Variants in ZSCAN20 observed in about 807,000 individuals in gnomAD.
ZSCAN20 encodes zinc finger and SCAN domain containing 20, also known as zinc finger and SCAN domain-containing protein 20.
Under a neutral mutation model 97.1 loss-of-function variants are expected in ZSCAN20, and 39 were observed. That is an observed-to-expected ratio of 0.40 (90% confidence interval 0.31 to 0.52). The LOEUF (loss-of-function observed/expected upper bound fraction) is 0.52, where lower values mean the gene tolerates loss of function less well. Among genes scored for constraint, ZSCAN20 ranks in the 20% least tolerant of loss-of-function variants. The pLI is 0.49. For synonymous variants in ZSCAN20, 456 were observed against 467.3 expected, an observed-to-expected ratio of 0.98 and a Z score of 0.31; for missense variants, 1,115 against 1,290.4, an observed-to-expected ratio of 0.86 and a Z score of 2.08.
At chr1:33,488,786 T>TAA in intron 3 of ZSCAN20, 135 bp downstream of exon 3, 1 of 945,044 alleles carries the variant, frequency 1.1e-6, no homozygotes, top group Non-Finnish European at 1.6e-6. Flanking sequence ...TGGGCACACT[T>TAA]ACTGAGAAGT....
intron 1 of ZSCAN20, among the ~76,000 whole-genome samples, chr1:33,478,859 G>A (rs1272230829): frequency 6.6e-6 from 1 of 152,116 alleles, no homozygotes; most frequent in African/African-American, 2.4e-5. Flanking sequence ...ATGACCTAGA[G>A]GATTGAATAC....
chr1:33,478,585 T>C (rs899158843), intron 1 of ZSCAN20, among the ~76,000 whole-genome samples: 13 of 152,066 alleles, frequency 8.5e-5, no homozygotes, highest in Admixed American at 2.0e-4. Context: ...GCTGGAGTTT[T>C]AGGAGTCATG....
Position 33,493,260 on chromosome 1 carries a change from G to T in ZSCAN20, c.1518G>T (p.Lys506Asn). ...TCAGTGAGTCCCCATTCTCGGAAAA[G>T]CTTCGTACCTGTCACCAGAACAGCC... ...AILSESPFSEKLRTCHQNSQV... is the reference protein window; with the variant it reads ...AILSESPFSENLRTCHQNSQV... The change falls in exon 7 of 8, where the codon AAG (lysine) becomes AAT (asparagine). Residue 506 changes from lysine to asparagine, a missense_variant. Around this residue, in one of 3 missense-constraint regions of ZSCAN20, gnomAD observed 53 missense variants for 94.3 expected, o/e 0.56. Transcript: ENST00000684572. This position sits in a 1 kb window ranked among gnomAD's most constrained non-coding sequence, Gnocchi z 4.3. The T allele has an allele frequency of 6.2e-7, 1 of 1,614,204 alleles. No individual in the cohort carries two copies. Among genetic ancestry groups the T allele is most frequent in the Non-Finnish European group, 8.5e-7 (1 of 1,180,036 alleles).
chr1:33,487,112 G>A (rs539151953), intron 2 of ZSCAN20, among the ~76,000 whole-genome samples: 1 of 152,312 alleles, frequency 6.6e-6, no homozygotes, highest in East Asian at 1.9e-4. Context: ...TATGTAGAAA[G>A]AAACTCTAAA....
In ZSCAN20 at chr1:33,499,835, G is replaced by A. The variant is rs998879710; in HGVS notation, c.*4359G>A. Among the ~76,000 whole-genome samples the A allele has an allele frequency of 3.3e-5, 5 of 151,958 alleles. No individual in the cohort carries two copies. Among genetic ancestry groups the A allele is most frequent in the South Asian group, 4.2e-4 (2 of 4,804 alleles). Reference sequence around the variant, plus strand: ...TGGTCTTGAACTCCTGGCCTCAAGCGATCCTCCCACCTCAGCCTCCCAAAG... The same window carrying A: ...TGGTCTTGAACTCCTGGCCTCAAGCAATCCTCCCACCTCAGCCTCCCAAAG... On this transcript the variant is annotated 3_prime_UTR_variant, in exon 8 of 8. Transcript: ENST00000684572.
In ZSCAN20 at chr1:33,493,175, C is replaced by T; in HGVS notation, c.1445-12C>T. ...TTAAGTCTCACAGTTCTCAACTCTT[C>T]ACTCCTGACAGCAGGTGTGCACTGG... On this transcript the variant is annotated splice_polypyrimidine_tract_variant and intron_variant, in intron 6 of 7. Coordinates refer to ENST00000684572, the MANE Select transcript of ZSCAN20 (RefSeq NM_001377376.1). The surrounding 1 kb of genome is among the most constrained non-coding windows in gnomAD (Gnocchi z 4.3). 5 of 1,610,640 alleles carry T rather than the reference C, an allele frequency of 3.1e-6. No individual in the cohort carries two copies. Among genetic ancestry groups the T allele is most frequent in the Non-Finnish European group, 4.2e-6 (5 of 1,177,232 alleles).
intron 2 of ZSCAN20, among the ~76,000 whole-genome samples, chr1:33,487,589 A>C (rs967342331): frequency 3.3e-5 from 5 of 151,430 alleles, no homozygotes; most frequent in African/African-American, 9.7e-5. Flanking sequence ...TGTCTTTTGC[A>C]TGTCCTTCTA....
chr1:33,497,405 G>A lies in ZSCAN20; in HGVS notation c.*1929G>A, dbSNP rs934591020. Among the ~76,000 whole-genome samples the A allele has an allele frequency of 6.6e-6, 1 of 152,198 alleles. No individual in the cohort carries two copies. Among genetic ancestry groups the A allele is most frequent in the African/African-American group, 2.4e-5 (1 of 41,448 alleles). On this transcript the variant is annotated 3_prime_UTR_variant, in exon 8 of 8. Transcript: ENST00000684572. Reference sequence around the variant, plus strand: ...GTGAGCTGAGAGGAAGGATCCTGAGGTGAGGGAGAGGGAGGGAATTCCAGG... The same window carrying A: ...GTGAGCTGAGAGGAAGGATCCTGAGATGAGGGAGAGGGAGGGAATTCCAGG...
rs1388586240 is a variant in ZSCAN20, at chr1:33,497,421, GA to G, written c.*1947del. Among the ~76,000 whole-genome samples the G allele has an allele frequency of 5.3e-5, 8 of 152,160 alleles. No individual in the cohort carries two copies. Among genetic ancestry groups the G allele is most frequent in the African/African-American group, 1.7e-4 (7 of 41,426 alleles). ...GATCCTGAGGTGAGGGAGAGGGAGG[GA>G]ATTCCAGGGAAAGGCACTGTTGTGT... is the stretch of plus-strand genomic sequence containing the variant. On this transcript the variant is annotated 3_prime_UTR_variant, in exon 8 of 8. Coordinates refer to ENST00000684572, the MANE Select transcript of ZSCAN20 (RefSeq NM_001377376.1).
rs561613631 is a variant in ZSCAN20 at position 33,478,892 on chromosome 1, T to C, written c.-110-287T>C. ...TACAGTGCTGTCTTCCTCCAAAGTG[T>C]GAGGCTCAAATGAGATATTAATTGA... On this transcript the variant is annotated intron_variant, in intron 1 of 7. Transcript: ENST00000684572. 8.5e-5 allele frequency among the ~76,000 whole-genome samples: 13 copies of C among 152,276 alleles called. No individual in the cohort carries two copies. The East Asian group carries it at 2.5e-3, about 29-fold the overall frequency.
intron 5 of ZSCAN20, among the ~76,000 whole-genome samples, chr1:33,490,384 G>A (rs1311113989): frequency 1.3e-5 from 2 of 152,132 alleles, no homozygotes; most frequent in African/African-American, 4.8e-5. Flanking sequence ...AGGGCCGGGA[G>A]CTGTTGGGAT....
At position 33,493,726 on chromosome 1, in the gene ZSCAN20, T is replaced by G; in HGVS notation, c.1873+111T>G. ...AACTAAAAGAGAGAATGGGATTGAA[T>G]GGGAAAAAGTATTTCTGCTTTGCTC... is the stretch of plus-strand genomic sequence containing the variant. On this transcript the variant is annotated intron_variant, in intron 7 of 7. Coordinates refer to ENST00000684572, the MANE Select transcript of ZSCAN20 (RefSeq NM_001377376.1). This position sits in a 1 kb window ranked among gnomAD's most constrained non-coding sequence, Gnocchi z 4.3. 8.3e-7 allele frequency: 1 copy of G among 1,202,360 alleles called. No homozygotes were observed. Among genetic ancestry groups the G allele is most frequent in the Non-Finnish European group, 1.1e-6 (1 of 869,664 alleles). The allele number at this position is 1,202,360 out of a possible 1,614,324, so 74.5% of individuals were successfully genotyped here. A position where few individuals can be genotyped will look rare whatever the true frequency, so the allele number is the denominator to read the frequency against.
chr1:33,488,315 A>G (rs1014588857), intron 2 of ZSCAN20, 150 bp from the exon 3 acceptor site: 1 of 717,116 alleles, frequency 1.4e-6, no homozygotes, highest in Non-Finnish European at 2.3e-6. Context: ...TGGTCTACCT[A>G]CCAAACTCAC....
rs1652955485 is a variant in ZSCAN20 at position 33,498,603 on chromosome 1, G to A, written c.*3127G>A. ...CCCTGAGCTTTGCTAGCGTGATTCTGCTCTTGGGAAGTAGATTCACTCTGC... is the reference window on the plus strand; with the variant it reads ...CCCTGAGCTTTGCTAGCGTGATTCTACTCTTGGGAAGTAGATTCACTCTGC... On this transcript the variant is annotated 3_prime_UTR_variant, in exon 8 of 8. Transcript: ENST00000684572. Among the ~76,000 whole-genome samples, 1 of 152,198 alleles carries A rather than the reference G, an allele frequency of 6.6e-6. No individual in the cohort carries two copies. The highest frequency in any genetic ancestry group is 1.5e-5 in the Non-Finnish European group (1 of 68,038).
Position 33,499,776 on chromosome 1 carries a change from T to TG in ZSCAN20, c.*4307dup, listed in dbSNP as rs776933909. On this transcript the variant is annotated 3_prime_UTR_variant, in exon 8 of 8. Transcript: ENST00000684572. ...AAATATTCCCTTACCCCATTTTTTT[T>TG]GGGGGGGAGATGGGGGTCTTGTGTT... 7.2e-5 allele frequency among the ~76,000 whole-genome samples: 11 copies of TG among 152,294 alleles called. No individual in the cohort carries two copies. Among genetic ancestry groups the TG allele is most frequent in the African/African-American group, 2.2e-4 (9 of 41,556 alleles).
In ZSCAN20 at chr1:33,491,306, T is replaced by C; in HGVS notation, c.1048T>C (p.Cys350Arg). The part of the protein sequence containing the change: ...ESPFSEKLRT[C>R]HQNRQVYRAI... Reference sequence around the variant, plus strand: ...TCCTTTCTCTGAAAAGCTCCGGACTTGTCACCAGAACCGCCAGGTATATCG... The same window carrying C: ...TCCTTTCTCTGAAAAGCTCCGGACTCGTCACCAGAACCGCCAGGTATATCG... Residue 350 changes from cysteine (C) to arginine (R), a missense_variant, in exon 6 of 8, where the codon TGT becomes CGT. By Grantham distance (180) the Cys-to-Arg change is radical (BLOSUM62 -3). Transcript: ENST00000684572. This position sits in a 1 kb window ranked among gnomAD's most constrained non-coding sequence, Gnocchi z 4.3. The C allele has an allele frequency of 6.2e-7, 1 of 1,614,144 alleles. No homozygotes were observed. Among genetic ancestry groups the C allele is most frequent in the South Asian group, 1.1e-5 (1 of 91,068 alleles).
At position 33,488,492 on chromosome 1, in the gene ZSCAN20, A is replaced by G. The variant is rs759345518; in HGVS notation, c.445A>G (p.Arg149Gly). Residue 149 changes from arginine to glycine, a missense_variant, in exon 3 of 8, where the codon AGG (arginine) becomes GGG (glycine). By Grantham distance (125) the Arg-to-Gly change is moderately radical. Transcript: ENST00000684572. ...SGLELHTEET[R>G]PLKTGEEAQS... ...ACTGGAATTGCATACAGAAGAGACC[A>G]GGCCCTTAAAGACAGGGGAAGAAGC... 7 of 1,613,988 alleles carry G rather than the reference A, an allele frequency of 4.3e-6. 1 individual carries two copies. In the South Asian group the frequency reaches 7.7e-5, roughly 18 times the overall value.
At chr1:33,487,124 G>T (rs1356628159) in intron 2 of ZSCAN20, among the ~76,000 whole-genome samples, 1 of 152,184 alleles carries the variant, frequency 6.6e-6, no homozygotes. Flanking sequence ...AACTCTAAAA[G>T]AATGCAGAAG....
At chr1:33,476,138 A>G (rs1651929350) in intron 1 of ZSCAN20, among the ~76,000 whole-genome samples, 1 of 152,092 alleles carries the variant, frequency 6.6e-6, no homozygotes, top group Admixed American at 6.5e-5. Context: ...ACTCTTAGAA[A>G]TTGCTGGTCC....
Sources: gnomAD v4.1 joint callset for allele counts (sites outside exome capture counted in the v4.1 genomes callset) on GRCh38, gnomAD v4.1.1 for gene constraint, gnomAD v4.1.1 regional missense constraint, Gnocchi (gnomAD v3.1) non-coding constraint, MANE v1.5 for transcripts, NCBI Gene and HGNC (gene_info 2026-07-23, HGNC 2026-07-21) for gene names.